Variants in MAPRE2 observed in about 807,000 individuals in gnomAD.
The protein encoded by MAPRE2 is microtubule associated protein RP/EB family member 2, also known as microtubule-associated protein RP/EB family member 2.
A neutral mutation model predicts 43.2 loss-of-function variants in MAPRE2; 13 were observed. That is an observed-to-expected ratio of 0.30 (90% confidence interval 0.20 to 0.48). MAPRE2 has a LOEUF of 0.48. MAPRE2 is among the 20% of genes least tolerant of loss of function. The pLI, the probability that MAPRE2 is intolerant of heterozygous loss-of-function variation, is 0.99. For synonymous variants in MAPRE2, 135 were observed against 148.8 expected, an observed-to-expected ratio of 0.91 and a Z score of 0.68; for missense variants, 161 against 400.2, an observed-to-expected ratio of 0.40 and a Z score of 5.10.
intron 2 of MAPRE2, among the ~76,000 whole-genome samples, chr18:35,030,742 G>T (rs1346893836): frequency 2.0e-5 from 3 of 151,776 alleles, no homozygotes; most frequent in Non-Finnish European, 4.4e-5. Context: ...CTTTACAACA[G>T]ACTTTAAAAG....
chr18:35,024,373 G>T (rs972318047), intron 2 of MAPRE2, among the ~76,000 whole-genome samples: 1 of 152,158 alleles, frequency 6.6e-6, no homozygotes, highest in Non-Finnish European at 1.5e-5. Context: ...TTTTATTCAT[G>T]CTCTGACAGC....
At chr18:35,137,682 T>C (rs1259716884) in intron 6 of MAPRE2, among the ~76,000 whole-genome samples, 1 of 152,146 alleles carries the variant, frequency 6.6e-6, no homozygotes, top group Non-Finnish European at 1.5e-5. Context: ...AATAAAACAA[T>C]ATAACTCACC....
chr18:34,990,467 C>T (rs1446869791), intron 1 of MAPRE2, among the ~76,000 whole-genome samples: 1 of 152,140 alleles, frequency 6.6e-6, no homozygotes, highest in Non-Finnish European at 1.5e-5. Context: ...TGATTTCTAA[C>T]TCTGACAGGT....
intron 1 of MAPRE2, among the ~76,000 whole-genome samples, chr18:34,981,882 TATTTA>T (rs1568959657): frequency 2.1e-5 from 3 of 142,330 alleles, no homozygotes; most frequent in Admixed American, 2.1e-4. Context: ...TTTTTATTTT[TATTTA>T]TTTTTTTTTT....
chr18:35,015,658 G>GTGTGTGTGTGTT (rs1173748264), intron 2 of MAPRE2, among the ~76,000 whole-genome samples: 1 of 151,380 alleles, frequency 6.6e-6, no homozygotes, highest in East Asian at 1.9e-4. Flanking sequence ...GTGTGTGTGT[G>GTGTGTGTGTGTT]TGTGTGTGTG....
Position 35,101,957 on chromosome 18 carries a change from G to A in MAPRE2, c.408G>A (p.Val136=), listed in dbSNP as rs77337283. 21 of 1,604,870 alleles carry A rather than the reference G, an allele frequency of 1.3e-5. No homozygotes were observed. The African/African-American group carries it at 2.8e-4, about 22-fold the overall frequency. The change falls in exon 4 of 7, where the codon GTG becomes GTA. Residue 136 remains valine (V), a synonymous_variant. Coordinates refer to ENST00000300249, the MANE Select transcript of MAPRE2 (RefSeq NM_014268.4). ...ATTTTTTATTGCAGGTAATTCCAGT[G>A]GAGAAGCTAGTGAAAGGACGTTTCC... is the stretch of plus-strand genomic sequence containing the variant. ...KRMNVDKVIP[V]EKLVKGRFQD... is the part of the protein sequence containing the mutation.
intron 2 of MAPRE2, among the ~76,000 whole-genome samples, chr18:35,034,424 G>A (rs1568978166): frequency 6.6e-6 from 1 of 152,072 alleles, no homozygotes; most frequent in African/African-American, 2.4e-5. Context: ...GAAAACCTAG[G>A]CATTACCATT....
intron 1 of MAPRE2, among the ~76,000 whole-genome samples, chr18:35,053,673 A>G (rs1194575452): frequency 6.6e-6 from 1 of 152,156 alleles, no homozygotes; most frequent in Non-Finnish European, 1.5e-5. Flanking sequence ...TGTGCATAGA[A>G]AATTTTTTTT....
intron 2 of MAPRE2, among the ~76,000 whole-genome samples, chr18:35,090,962 T>C (rs1442932306): frequency 6.6e-6 from 1 of 151,928 alleles, no homozygotes; most frequent in African/African-American, 2.4e-5. Flanking sequence ...CCACTTATAA[T>C]CACTACCAAA....
At chr18:35,011,009 G>A (rs1274554186) in intron 2 of MAPRE2, among the ~76,000 whole-genome samples, 1 of 152,118 alleles carries the variant, frequency 6.6e-6, no homozygotes, top group Non-Finnish European at 1.5e-5. Flanking sequence ...TTATGTATCA[G>A]GTATTAAGCT....
At chr18:35,047,256 A>G (rs1045493208) in intron 1 of MAPRE2, among the ~76,000 whole-genome samples, 155 of 152,320 alleles carry the variant, frequency 1.0e-3, no homozygotes, top group Non-Finnish European at 2.5e-4. Context: ...GTTAGAATAT[A>G]TATCTAAGAA....
At chr18:35,097,344 G>T in intron 2 of MAPRE2, 102 bp from the exon 3 acceptor site, 1 of 1,013,024 alleles carries the variant, frequency 9.9e-7, no homozygotes, top group Non-Finnish European at 1.5e-6. Context: ...TGCTCTGAGT[G>T]ATGATGGTGC....
chr18:35,036,093 T>G (rs1363701696), intron 2 of MAPRE2, among the ~76,000 whole-genome samples: 1 of 151,502 alleles, frequency 6.6e-6, no homozygotes, highest in African/African-American at 2.4e-5. Context: ...AAAGAACAAT[T>G]TAATCTGTAT....
At chr18:35,017,962 G>T (rs1568973207) in intron 2 of MAPRE2, among the ~76,000 whole-genome samples, 1 of 151,806 alleles carries the variant, frequency 6.6e-6, no homozygotes, top group African/African-American at 2.4e-5. Flanking sequence ...CTGTGGGTTT[G>T]TCATAGATGG....
intron 1 of MAPRE2, among the ~76,000 whole-genome samples, chr18:35,064,000 T>TAAAAAAAAAAAAAAAAAAAAA (rs575347953): frequency 8.8e-5 from 3 of 33,970 alleles, no homozygotes; most frequent in Non-Finnish European, 1.5e-4. Flanking sequence ...CCTGTCTCTT[T>TAAAAAAAAAAAAAAAAAAAAA]AAAAAAAAAA....
At chr18:35,138,923 C>T (rs518442) in intron 6 of MAPRE2, among the ~76,000 whole-genome samples, 25,970 of 152,028 alleles carry the variant, frequency 0.17, 2,482 homozygotes, top group East Asian at 0.3. Context: ...CTCAGTCATT[C>T]ATCCTTGAAT....
intron 5 of MAPRE2, among the ~76,000 whole-genome samples, chr18:35,130,194 G>T (rs1910085719): frequency 6.6e-6 from 1 of 152,158 alleles, no homozygotes; most frequent in Non-Finnish European, 1.5e-5. Context: ...CCATCTGCTG[G>T]CACTAGCACA....
At chr18:35,020,182 G>A (rs2097041018) in intron 2 of MAPRE2, among the ~76,000 whole-genome samples, 2 of 152,028 alleles carry the variant, frequency 1.3e-5, no homozygotes. Context: ...AGATTATCAG[G>A]ATAACATCAA....
chr18:35,074,832 G>T (rs1018282268), intron 2 of MAPRE2, among the ~76,000 whole-genome samples: 16 of 152,264 alleles, frequency 1.1e-4, no homozygotes, highest in African/African-American at 3.9e-4. Context: ...TGCATGTAGG[G>T]CTGGCACTGC....
Sources: allele counts gnomAD v4.1 joint callset (sites outside exome capture counted in the v4.1 genomes callset), GRCh38; gene constraint gnomAD v4.1.1; transcripts MANE v1.5; gene names NCBI Gene and HGNC (gene_info 2026-07-23, HGNC 2026-07-21).